The following CFAP46 variants were observed in gnomAD, a reference collection of about 807,000 sequenced individuals.
CFAP46 encodes cilia and flagella associated protein 46, also known as cilia- and flagella-associated protein 46.
A neutral mutation model predicts 325.7 loss-of-function variants in CFAP46; 245 were observed. The ratio of observed to expected loss-of-function variants is 0.75; its 90% CI spans 0.68 to 0.84. The LOEUF is 0.84. CFAP46 is among the 40% of genes least tolerant of loss of function. The pLI is 0.00. For missense variants in CFAP46, 3,346 were observed against 3,543.0 expected (o/e 0.94, Z 1.41); for synonymous variants, 1,523 against 1,495.9 (o/e 1.02, Z -0.42).
At chr10:132,891,769 C>A (rs1849257611) in intron 25 of CFAP46, among the ~76,000 whole-genome samples, 1 of 152,242 alleles carries the variant, frequency 6.6e-6, no homozygotes, top group African/African-American at 2.4e-5. Flanking sequence ...TAAACCCAGA[C>A]ATTCCTTTCT....
In CFAP46 at chr10:132,812,911, A is replaced by G. The variant is rs745810228; in HGVS notation, c.7389-14T>C. On this transcript the variant is annotated splice_polypyrimidine_tract_variant and intron_variant, in intron 54 of 57. Coordinates refer to ENST00000368586, the MANE Select transcript of CFAP46 (RefSeq NM_001200049.3). ...CACTGGGCCTGGCTGCAGAGAGAGGAGAGCGCTGGTCAACAGTGCCCATGC... is the reference window on the plus strand; with the variant it reads ...CACTGGGCCTGGCTGCAGAGAGAGGGGAGCGCTGGTCAACAGTGCCCATGC... 2 of 1,598,808 alleles carry G rather than the reference A, an allele frequency of 1.3e-6. No homozygotes were observed. Among genetic ancestry groups the G allele is most frequent in the Non-Finnish European group, 1.7e-6 (2 of 1,174,692 alleles).
At chr10:132,823,630 T>A (rs1665604246) in intron 50 of CFAP46, among the ~76,000 whole-genome samples, 1 of 120,586 alleles carries the variant, frequency 8.3e-6, no homozygotes, top group African/African-American at 3.3e-5. Flanking sequence ...CTGTGTGCTG[T>A]GTGAGTGCTG....
At chr10:132,838,214 CCT>C in intron 44 of CFAP46, among the ~76,000 whole-genome samples, 1 of 152,258 alleles carries the variant, frequency 6.6e-6, no homozygotes, top group East Asian at 1.9e-4. Context: ...CACCACAGCC[CCT>C]GAGGGCCAGC....
rs1478825243 is a variant in CFAP46, at chr10:132,810,990, G to A, written c.7543C>T (p.Gln2515Ter). The change falls in exon 56 of 58, where the codon CAG becomes TAG. Residue 2515 changes from glutamine (Q) to a stop codon, truncating the protein, a stop_gained. Transcript: ENST00000368586. LOFTEE classifies it high-confidence loss of function. Reference sequence around the variant, plus strand: ...CTCTCCATGTGCCTCTTCAAGCTCTGGTAGGACCGCGCCAGGTCCAGCAGG... The same window carrying A: ...CTCTCCATGTGCCTCTTCAAGCTCTAGTAGGACCGCGCCAGGTCCAGCAGG... ...AVLLDLARSY[Q>*]SLKRHMESVE... The A allele has an allele frequency of 6.2e-7, 1 of 1,607,810 alleles. No homozygotes were observed. The highest frequency in any genetic ancestry group is 1.3e-5 in the African/African-American group (1 of 74,826).
intron 24 of CFAP46, 42 bp downstream of exon 24, chr10:132,898,917 G>A (rs1564794159): frequency 6.5e-7 from 1 of 1,548,132 alleles, no homozygotes; most frequent in Non-Finnish European, 8.7e-7. Flanking sequence ...ACCCACTAGA[G>A]GCCTCAGTGG....
intron 35 of CFAP46, among the ~76,000 whole-genome samples, chr10:132,863,190 C>T (rs759431399): frequency 2.6e-5 from 4 of 152,128 alleles, no homozygotes; most frequent in Middle Eastern, 3.4e-3. Flanking sequence ...ACGGAGGCCC[C>T]GGCATGCAGC....
intron 12 of CFAP46, 122 bp downstream of exon 12, chr10:132,922,358 C>T (rs1849737145): frequency 6.2e-6 from 9 of 1,451,054 alleles, no homozygotes; most frequent in Middle Eastern, 2.3e-4. Flanking sequence ...ACAGCTCGGT[C>T]CCAGGCCTCC....
Position 132,876,621 on chromosome 10 carries a change from T to C in CFAP46, c.4362+191A>G, listed in dbSNP as rs1333147127. Among the ~76,000 whole-genome samples, 3 of 152,154 alleles carry C rather than the reference T, an allele frequency of 2.0e-5. No homozygotes were observed. In the South Asian group the frequency reaches 6.2e-4, roughly 32 times the overall value. On this transcript the variant is annotated intron_variant, in intron 31 of 57. Coordinates refer to ENST00000368586, the MANE Select transcript of CFAP46 (RefSeq NM_001200049.3). This position sits in a 1 kb window ranked among gnomAD's most constrained non-coding sequence, Gnocchi z 4.1. ...ACTTGAGTGGGGAAAGAAGGAAGGC[T>C]TTCCTAAGTGTCGGCAGTTGAGGGC...
chr10:132,846,849 C>T, intron 43 of CFAP46, 83 bp downstream of exon 43: 1 of 1,471,914 alleles, frequency 6.8e-7, no homozygotes, highest in Non-Finnish European at 9.0e-7. Context: ...GGAGTCCCCC[C>T]AAGGCGAGGG....
At chr10:132,887,972 G>T (rs1197855427) in intron 25 of CFAP46, among the ~76,000 whole-genome samples, 20 of 34,592 alleles carry the variant, frequency 5.8e-4, no homozygotes, top group South Asian at 1.3e-3. Context: ...CTCTCTCTCC[G>T]CTCCTCTCTC....
chr10:132,906,215 G>A (rs933830418), intron 22 of CFAP46, among the ~76,000 whole-genome samples: 11 of 152,376 alleles, frequency 7.2e-5, no homozygotes, highest in Non-Finnish European at 1.5e-4. Flanking sequence ...GCAGTGCCAG[G>A]CCAGCAGGGC....
chr10:132,873,153 A>G (rs1848916457), intron 31 of CFAP46, among the ~76,000 whole-genome samples: 1 of 152,246 alleles, frequency 6.6e-6, no homozygotes, highest in Non-Finnish European at 1.5e-5. Context: ...CTACTGACTC[A>G]TTAGAGACAG....
rs777285677 is a variant in CFAP46 at position 132,833,424 on chromosome 10, T to C, written c.7051A>G (p.Ile2351Val). The C allele has an allele frequency of 7.4e-6, 12 of 1,614,150 alleles. No homozygotes were observed. Among genetic ancestry groups the C allele is most frequent in the African/African-American group, 2.7e-5 (2 of 75,038 alleles). The stretch of plus-strand genomic sequence containing the variant: ...GAAAATTCTCGTGACACAGAGGAAA[T>C]TGTCCCTTCATCGAACACAGAGAGA... ...EGLSVFDEGTISSVSREFSLQ... is the reference protein window; with the variant it reads ...EGLSVFDEGTVSSVSREFSLQ... The change falls in exon 50 of 58, where the codon ATT becomes GTT. Residue 2351 changes from isoleucine to valine, a missense_variant. Coordinates refer to ENST00000368586, the MANE Select transcript of CFAP46 (RefSeq NM_001200049.3).
At chr10:132,831,845 G>T (rs1384637396) in intron 50 of CFAP46, among the ~76,000 whole-genome samples, 1 of 151,820 alleles carries the variant, frequency 6.6e-6, no homozygotes, top group Non-Finnish European at 1.5e-5. Context: ...GTATGTTTAT[G>T]ATTCCATTTC....
intron 10 of CFAP46, among the ~76,000 whole-genome samples, chr10:132,926,144 C>T (rs188107994): frequency 2.6e-5 from 4 of 152,378 alleles, no homozygotes; most frequent in African/African-American, 9.6e-5. Flanking sequence ...GCACCTGACG[C>T]CAGGGCCGGC....
At chr10:132,933,942 G>A (rs1042399475) in intron 8 of CFAP46, among the ~76,000 whole-genome samples, 2 of 152,178 alleles carry the variant, frequency 1.3e-5, no homozygotes, top group Non-Finnish European at 2.9e-5. Flanking sequence ...ACACAGGGAG[G>A]TCATGGATCT....
chr10:132,906,081 G>A (rs1412360976), intron 22 of CFAP46, among the ~76,000 whole-genome samples: 3 of 152,272 alleles, frequency 2.0e-5, no homozygotes, highest in African/African-American at 7.2e-5. Flanking sequence ...CATTTGCAGT[G>A]AAAAGCCCGT....
At chr10:132,879,780 G>A (rs1312319685) in intron 28 of CFAP46, 149 bp from the exon 29 acceptor site, 1 of 803,196 alleles carries the variant, frequency 1.2e-6, no homozygotes, top group Non-Finnish European at 1.8e-6. Flanking sequence ...CGGCAGCCAG[G>A]GGAAGAGTCA....
chr10:132,909,213 C>G lies in CFAP46; in HGVS notation c.2681G>C (p.Arg894Thr). The G allele has an allele frequency of 1.9e-6, 3 of 1,550,394 alleles. No individual in the cohort carries two copies. Among genetic ancestry groups the G allele is most frequent in the Middle Eastern group, 1.7e-4 (1 of 5,984 alleles). ...GTACATTTCCAAGGCAACGAGGACT[C>G]TGGTCACCGAGCTGACATCCTCATT... is the stretch of plus-strand genomic sequence containing the variant. ...GTNEDVSSVT[R>T]VLVALEMYSC... Residue 894 changes from arginine to threonine, a missense_variant, in exon 21 of 58, where the codon AGA becomes ACA. By Grantham distance (71) the Arg-to-Thr change is moderately conservative. Coordinates refer to ENST00000368586, the MANE Select transcript of CFAP46 (RefSeq NM_001200049.3).
Sources: allele counts gnomAD v4.1 joint callset (sites outside exome capture counted in the v4.1 genomes callset), GRCh38; gene constraint gnomAD v4.1.1; non-coding constraint Gnocchi (gnomAD v3.1); transcripts MANE v1.5; gene names NCBI Gene and HGNC (gene_info 2026-07-23, HGNC 2026-07-21).